Variants in ADAM10 observed in about 807,000 individuals in gnomAD.
ADAM10 encodes disintegrin and metalloproteinase domain-containing protein 10.
ADAM10 carries 17 observed loss-of-function variants against 90.1 expected under a neutral mutation model. The ratio of observed to expected loss-of-function variants is 0.19; its 90% confidence interval spans 0.13 to 0.28. The LOEUF (loss-of-function observed/expected upper bound fraction) is 0.28. Among genes scored for constraint, ADAM10 ranks in the 10% least tolerant of loss-of-function variants. The pLI is 1.00. For synonymous variants in ADAM10, 310 were observed against 298.6 expected (o/e 1.04, Z -0.40); for missense variants, 610 against 914.3 (o/e 0.67, Z 4.29).
intron 8 of ADAM10, among the ~76,000 whole-genome samples, chr15:58,634,111 G>C (rs954096518): frequency 6.6e-6 from 1 of 152,034 alleles, no homozygotes; most frequent in Non-Finnish European, 1.5e-5. Context: ...AGGAGTTTGA[G>C]ACCAGCCTGG....
intron 4 of ADAM10, among the ~76,000 whole-genome samples, chr15:58,678,011 A>G (rs1897334152): frequency 6.6e-6 from 1 of 152,190 alleles, no homozygotes; most frequent in African/African-American, 2.4e-5. Flanking sequence ...AAAGGAATTC[A>G]TATTCCTACT....
At chr15:58,729,372 T>C (rs1567015653) in intron 1 of ADAM10, among the ~76,000 whole-genome samples, 1 of 152,184 alleles carries the variant, frequency 6.6e-6, no homozygotes, top group Non-Finnish European at 1.5e-5. Flanking sequence ...GAACACAGAA[T>C]CTTGTTAATT....
At chr15:58,626,554 G>A (rs1056751934) in intron 10 of ADAM10, among the ~76,000 whole-genome samples, 8 of 152,016 alleles carry the variant, frequency 5.3e-5, no homozygotes, top group South Asian at 2.1e-4. Context: ...GTTCAATGCC[G>A]CAAGAAAGAC....
intron 1 of ADAM10, among the ~76,000 whole-genome samples, chr15:58,745,002 G>T (rs1181539704): frequency 1.3e-5 from 2 of 152,228 alleles, no homozygotes; most frequent in Admixed American, 1.3e-4. Flanking sequence ...GGCCAATATG[G>T]TGAAACCCCG....
rs139731988 is a variant in ADAM10, at chr15:58,665,496, G to C, written c.485-299C>G. Among the ~76,000 whole-genome samples the C allele has an allele frequency of 5.0e-3, 764 of 152,066 alleles. 11 individuals carry two copies. The highest frequency in any genetic ancestry group is 5.6e-3 in the Non-Finnish European group (379 of 67,962). ...CCCTATCACCAATATATTGCATTCG[G>C]CTGTCACCAAGAGAATATCTATGTT... is the stretch of plus-strand genomic sequence containing the variant. On this transcript the variant is annotated intron_variant, in intron 4 of 15. Coordinates refer to ENST00000260408, the MANE Select transcript of ADAM10 (RefSeq NM_001110.4).
At chr15:58,643,360 T>C (rs1427086927) in intron 7 of ADAM10, among the ~76,000 whole-genome samples, 1 of 152,324 alleles carries the variant, frequency 6.6e-6, no homozygotes, top group East Asian at 1.9e-4. Flanking sequence ...TATGGGTTTC[T>C]TTCCTGAAAG....
chr15:58,646,275 A>T (rs749530905), intron 5 of ADAM10, 71 bp from the exon 6 acceptor site: 41 of 1,445,608 alleles, frequency 2.8e-5, no homozygotes, highest in East Asian at 4.9e-5. Context: ...TTAAGAATAC[A>T]TACTATAAAC....
At chr15:58,608,030 T>C (rs1595986333) in intron 14 of ADAM10, among the ~76,000 whole-genome samples, 1 of 152,324 alleles carries the variant, frequency 6.6e-6, no homozygotes, top group East Asian at 1.9e-4. Flanking sequence ...TGTTTATCAT[T>C]TTATCCTGTC....
intron 9 of ADAM10, among the ~76,000 whole-genome samples, chr15:58,631,913 G>T (rs1896112869): frequency 6.6e-6 from 1 of 152,166 alleles, no homozygotes; most frequent in Non-Finnish European, 1.5e-5. Flanking sequence ...TTCTGATTGG[G>T]ATGTAGAAGA....
Position 58,613,105 on chromosome 15 carries a change from G to T in ADAM10, c.1512-1114C>A, listed in dbSNP as rs568729060. On this transcript the variant is annotated intron_variant, in intron 11 of 15. Transcript: ENST00000260408. ...GAGGGCCCCAAAAGGCGTTGCCACT[G>T]AGGACATTAACAACCTACACCACCA... is the stretch of plus-strand genomic sequence containing the variant. Among the ~76,000 whole-genome samples, 191 of 152,304 alleles carry T rather than the reference G, an allele frequency of 1.3e-3. 3 individuals are homozygous for T. In the South Asian group the frequency reaches 0.039, roughly 31 times the overall value.
intron 1 of ADAM10, 35 bp downstream of exon 1, chr15:58,749,417 GCTCGGCCCGGCCGCCGCTCCGCCGTGGT>G (rs1467769916): frequency 6.8e-6 from 10 of 1,475,606 alleles, no homozygotes; most frequent in Non-Finnish European, 9.0e-6. Flanking sequence ...ACTGGGCTCC[GCTCGGCCCGGCCGCCGCTCCGCCGTGGT>G]CGCGGCGCCC....
Position 58,597,215 on chromosome 15 carries a change from G to C in ADAM10, c.*332C>G, listed in dbSNP as rs1894978711. 1.5e-6 allele frequency: 1 copy of C among 682,600 alleles called. No homozygotes were observed. Among genetic ancestry groups the C allele is most frequent in the African/African-American group, 1.8e-5 (1 of 55,492 alleles). The allele number at this position is 682,600 out of a possible 1,614,324, so 42.3% of individuals were successfully genotyped here. A position where few individuals can be genotyped will look rare whatever the true frequency, so the allele number is the denominator to read the frequency against. ...TCAATTTGTGGTAAAAGTTTATTGA[G>C]AGCCAAGTTTGCCTGCAAGTGAAGA... is the stretch of plus-strand genomic sequence containing the variant. On this transcript the variant is annotated 3_prime_UTR_variant, in exon 16 of 16. Coordinates refer to ENST00000260408, the MANE Select transcript of ADAM10 (RefSeq NM_001110.4).
intron 4 of ADAM10, among the ~76,000 whole-genome samples, chr15:58,677,336 G>C (rs1210656752): frequency 1.3e-5 from 2 of 151,968 alleles, no homozygotes; most frequent in African/African-American, 4.8e-5. Flanking sequence ...TAAAATAAAA[G>C]CTGATATCAA....
At chr15:58,695,654 A>G (rs1459672849) in intron 2 of ADAM10, among the ~76,000 whole-genome samples, 17 of 131,842 alleles carry the variant, frequency 1.3e-4, no homozygotes, top group African/African-American at 3.5e-4. Context: ...TTAATATAAG[A>G]CCTGGCCAAC....
chr15:58,642,009 C>T (rs890467193), intron 7 of ADAM10, among the ~76,000 whole-genome samples: 4 of 152,098 alleles, frequency 2.6e-5, no homozygotes, highest in African/African-American at 4.8e-5. Context: ...TAACAATTAA[C>T]GAAAAACAAT....
intron 1 of ADAM10, among the ~76,000 whole-genome samples, chr15:58,743,231 T>C (rs1433261371): frequency 1.3e-5 from 2 of 152,166 alleles, no homozygotes; most frequent in South Asian, 2.1e-4. Context: ...GAAATCACTA[T>C]GTGTTTTTCT....
At chr15:58,717,958 C>CTTTA (rs1335171104) in intron 1 of ADAM10, among the ~76,000 whole-genome samples, 48 of 152,108 alleles carry the variant, frequency 3.2e-4, no homozygotes, top group African/African-American at 1.1e-3. Context: ...TTTAGATGTC[C>CTTTA]TTTATCAAGC....
intron 14 of ADAM10, among the ~76,000 whole-genome samples, chr15:58,601,302 A>C (rs2140988721): frequency 6.6e-6 from 1 of 152,088 alleles, no homozygotes; most frequent in Non-Finnish European, 1.5e-5. Flanking sequence ...TCTCTACTAA[A>C]AATACAAAAA....
intron 2 of ADAM10, 34 bp from the exon 3 acceptor site, chr15:58,682,348 A>G (rs746811888): frequency 6.3e-7 from 1 of 1,598,134 alleles, no homozygotes; most frequent in South Asian, 1.1e-5. Flanking sequence ...GAACAACTGA[A>G]ATTAAAAAGA....
Sources: gnomAD v4.1 joint callset for allele counts (sites outside exome capture counted in the v4.1 genomes callset) on GRCh38, gnomAD v4.1.1 for gene constraint, MANE v1.5 for transcripts, NCBI Gene and HGNC (gene_info 2026-07-23, HGNC 2026-07-21) for gene names.